SYNPO2: variants seen among roughly 807,000 people sequenced by gnomAD.
SYNPO2 encodes synaptopodin 2.
Under a neutral mutation model 85.0 loss-of-function variants are expected in SYNPO2, and 56 were observed. The observed-to-expected ratio is 0.66, with a 90% confidence interval of 0.53 to 0.82. SYNPO2 has a LOEUF of 0.82. Ranked by LOEUF, SYNPO2 falls within the 40% of genes least tolerant of loss-of-function variation. The pLI is 0.00. For missense variants in SYNPO2, 1,575 were observed against 1,534.2 expected (o/e 1.03, Z -0.44); for synonymous variants, 602 against 591.1 (o/e 1.02, Z -0.27).
rs1327303155 is a variant in SYNPO2, at chr4:119,031,205, G to C, written c.2430G>C (p.Gln810His). 1 of 1,614,102 alleles carries C rather than the reference G, an allele frequency of 6.2e-7. No homozygotes were observed. Among genetic ancestry groups the C allele is most frequent in the Non-Finnish European group, 8.5e-7 (1 of 1,180,020 alleles). ...TTGTCTCCTCCATCAAAATAGCCCA[G>C]CCTTCTTACCCTCCTGCCCGGCCTG... Reference protein sequence around the residue: ...GTVVSSIKIAQPSYPPARPAS... With the variant: ...GTVVSSIKIAHPSYPPARPAS... Residue 810 changes from glutamine (Q) to histidine (H), a missense_variant, in exon 4 of 5, where the codon CAG becomes CAC. This residue lies in a region of SYNPO2 where 1,508 missense variants were observed against 1,446.8 expected (regional missense o/e 1.04). Transcript: ENST00000307142.
At position 119,060,620 on chromosome 4, in the gene SYNPO2, C is replaced by T. The variant is rs377646336; in HGVS notation, c.*2686C>T. 14 of 152,012 alleles carry T rather than the reference C, an allele frequency of 9.2e-5. No homozygotes were observed. Among genetic ancestry groups the T allele is most frequent in the African/African-American group, 2.4e-4 (10 of 41,370 alleles). 9.4% of individuals were successfully genotyped at this position (152,012 alleles called of 1,614,324 possible). ...AATAATAGCAAGTGTAGAGAAGAGC[C>T]GTTGCTTTGAAAATACATACCACAT... On this transcript the variant is annotated 3_prime_UTR_variant, in exon 5 of 5. Transcript: ENST00000307142.
At chr4:118,851,995 T>C (rs1578499105) in intron 1 of SYNPO2, among the ~76,000 whole-genome samples, 3 of 152,286 alleles carry the variant, frequency 2.0e-5, no homozygotes, top group South Asian at 2.1e-4. Flanking sequence ...TCTGAAACCA[T>C]AGCAAGAAAG....
At chr4:118,913,583 G>A (rs1158261394) in intron 1 of SYNPO2, among the ~76,000 whole-genome samples, 4 of 151,844 alleles carry the variant, frequency 2.6e-5, no homozygotes, top group Non-Finnish European at 4.4e-5. Context: ...GTGTGTGTGT[G>A]TGTGTGTGTG....
chr4:119,014,336 C>T (rs376769360), intron 1 of SYNPO2, among the ~76,000 whole-genome samples: 2 of 152,250 alleles, frequency 1.3e-5, no homozygotes, highest in Non-Finnish European at 1.5e-5. Context: ...ATTGCTTGAA[C>T]CTGGGAGGCG....
chr4:119,057,893 A>C lies in SYNPO2; in HGVS notation c.3745A>C (p.Asn1249His). Reference sequence around the variant, plus strand: ...TTACTGTCTTCCAGTAGCTGATTACAACTACAACCCACACCCAAGGGGATG... The same window carrying C: ...TTACTGTCTTCCAGTAGCTGATTACCACTACAACCCACACCCAAGGGGATG... ...SDYCLPVADY[N>H]YNPHPRGWRR... The change falls in exon 5 of 5, where the codon AAC (asparagine) becomes CAC (histidine). Residue 1249 changes from asparagine to histidine, a missense_variant. Asn to His is a moderately conservative substitution (Grantham distance 68). This residue lies in a region of SYNPO2 where 1,508 missense variants were observed against 1,446.8 expected (regional missense o/e 1.04). Transcript: ENST00000307142. 6.2e-7 allele frequency: 1 copy of C among 1,614,106 alleles called. No homozygotes were observed. Among genetic ancestry groups the C allele is most frequent in the Non-Finnish European group, 8.5e-7 (1 of 1,180,012 alleles).
chr4:118,879,114 A>C (rs145220713), intron 1 of SYNPO2, among the ~76,000 whole-genome samples: 1 of 152,312 alleles, frequency 6.6e-6, no homozygotes, highest in East Asian at 1.9e-4. Context: ...GAACAAGACC[A>C]CAGAACTCGC....
At chr4:118,976,552 G>C (rs984244475) in intron 1 of SYNPO2, among the ~76,000 whole-genome samples, 1 of 152,110 alleles carries the variant, frequency 6.6e-6, no homozygotes, top group African/African-American at 2.4e-5. Flanking sequence ...TGGTAGAGCC[G>C]AGTGGCCTGT....
At position 119,027,225 on chromosome 4, in the gene SYNPO2, G is replaced by A; in HGVS notation, c.856G>A (p.Val286Met). 1 of 1,614,190 alleles carries A rather than the reference G, an allele frequency of 6.2e-7. No homozygotes were observed. The highest frequency in any genetic ancestry group is 8.5e-7 in the Non-Finnish European group (1 of 1,180,036). ...AGDAGLPRVEVILDCSDRQKT... is the reference protein window; with the variant it reads ...AGDAGLPRVEMILDCSDRQKT... ...AGATGCGGGACTGCCCCGGGTGGAAGTGATCCTCGACTGCTCTGACAGGCA... is the reference window on the plus strand; with the variant it reads ...AGATGCGGGACTGCCCCGGGTGGAAATGATCCTCGACTGCTCTGACAGGCA... The change falls in exon 3 of 5, where the codon GTG becomes ATG. Residue 286 changes from valine (V) to methionine (M), a missense_variant. By Grantham distance (21) the Val-to-Met change is conservative (BLOSUM62 1). This residue lies in a region of SYNPO2 where 1,508 missense variants were observed against 1,446.8 expected (regional missense o/e 1.04). Coordinates refer to ENST00000307142, the MANE Select transcript of SYNPO2 (RefSeq NM_133477.3).
At chr4:118,980,819 G>C (rs770141856) in intron 1 of SYNPO2, among the ~76,000 whole-genome samples, 1 of 152,116 alleles carries the variant, frequency 6.6e-6, no homozygotes, top group Admixed American at 6.5e-5. Context: ...GCCTCATCCT[G>C]GTGGTGGCAT....
chr4:119,043,414 CATGAATTAAT>C (rs1271579710), intron 4 of SYNPO2: 1 of 152,114 alleles, frequency 6.6e-6, no homozygotes, highest in African/African-American at 2.4e-5. Context: ...AATGCATTTG[CATGAATTAAT>C]ACTAAAAGTG....
At chr4:118,925,434 G>A (rs1242269989) in intron 1 of SYNPO2, among the ~76,000 whole-genome samples, 1 of 151,892 alleles carries the variant, frequency 6.6e-6, no homozygotes, top group Non-Finnish European at 1.5e-5. Context: ...CCACTCCAGT[G>A]GCATGTTTTT....
intron 1 of SYNPO2, among the ~76,000 whole-genome samples, chr4:118,985,432 G>C (rs17050193): frequency 0.18 from 27,325 of 152,198 alleles, 2,971 homozygotes; most frequent in East Asian, 0.28. Context: ...TGATGGAAGA[G>C]GGATGCCTCA....
In SYNPO2 at chr4:119,057,505, C is replaced by T. The variant is rs779532129; in HGVS notation, c.3357C>T (p.Thr1119=). 7 of 1,614,012 alleles carry T rather than the reference C, an allele frequency of 4.3e-6. No individual in the cohort carries two copies. The highest frequency in any genetic ancestry group is 1.7e-5 in the Admixed American group (1 of 60,002). Residue 1119 remains threonine (T), a synonymous_variant, in exon 5 of 5, where the codon ACC becomes ACT. Coordinates refer to ENST00000307142, the MANE Select transcript of SYNPO2 (RefSeq NM_133477.3). The part of the protein sequence containing the change: ...QPTYSYSSKP[T]DGLEKANKRP... Reference sequence around the variant, plus strand: ...CTTATAGTTACTCTAGTAAACCAACCGATGGACTAGAGAAAGCAAACAAGA... The same window carrying T: ...CTTATAGTTACTCTAGTAAACCAACTGATGGACTAGAGAAAGCAAACAAGA...
At chr4:118,961,109 C>CCCG (rs1553941441) in intron 1 of SYNPO2, among the ~76,000 whole-genome samples, 1 of 121,174 alleles carries the variant, frequency 8.3e-6, no homozygotes, top group Admixed American at 9.1e-5. Flanking sequence ...GCCCCCCCCC[C>CCCG]ACCCCTCCAG....
intron 4 of SYNPO2, chr4:119,038,203 A>G (rs931136254): frequency 9.1e-6 from 9 of 985,268 alleles, no homozygotes; most frequent in Middle Eastern, 5.2e-4. Flanking sequence ...GAATTTCCCA[A>G]ACTGATTCAC....
intron 1 of SYNPO2, among the ~76,000 whole-genome samples, chr4:119,011,920 C>G (rs1421675199): frequency 9.1e-6 from 1 of 109,626 alleles, no homozygotes; most frequent in African/African-American, 3.5e-5. Context: ...TTTCTATAGA[C>G]TTTTTTTTTT....
intron 4 of SYNPO2, chr4:119,034,106 T>C: frequency 1.0e-6 from 1 of 985,444 alleles, no homozygotes; most frequent in Non-Finnish European, 1.2e-6. Context: ...TATAACACAG[T>C]TGTTTGTATT....
intron 1 of SYNPO2, among the ~76,000 whole-genome samples, chr4:118,981,815 C>T (rs1560942177): frequency 6.6e-6 from 1 of 152,220 alleles, no homozygotes; most frequent in East Asian, 1.9e-4. Context: ...TTCCTTTTTC[C>T]TCATGTACCT....
At chr4:118,947,471 G>A (rs1286535653) in intron 1 of SYNPO2, among the ~76,000 whole-genome samples, 1 of 152,182 alleles carries the variant, frequency 6.6e-6, no homozygotes, top group African/African-American at 2.4e-5. Context: ...TGCAGAGGAG[G>A]AGAATGACCT....
Sources: gnomAD v4.1 joint callset for allele counts (sites outside exome capture counted in the v4.1 genomes callset) on GRCh38, gnomAD v4.1.1 for gene constraint, gnomAD v4.1.1 regional missense constraint, MANE v1.5 for transcripts, NCBI Gene and HGNC (gene_info 2026-07-23, HGNC 2026-07-21) for gene names.